Variants in TLN2 observed in about 807,000 individuals in gnomAD.
TLN2 encodes talin-2.
A neutral mutation model predicts 294.7 loss-of-function variants in TLN2; 118 were observed. The observed-to-expected ratio is 0.40, with a 90% CI of 0.34 to 0.47. TLN2 has a LOEUF of 0.47. Among genes scored for constraint, TLN2 ranks in the 20% least tolerant of loss-of-function variants. The pLI is 0.84. For missense variants in TLN2, 3,083 were observed against 3,282.2 expected, an observed-to-expected ratio of 0.94 and a Z score of 1.48; for synonymous variants, 1,431 against 1,304.5, an observed-to-expected ratio of 1.10 and a Z score of -2.09.
intron 1 of TLN2, among the ~76,000 whole-genome samples, chr15:62,446,577 T>A (rs755196060): frequency 1.3e-5 from 2 of 152,212 alleles, no homozygotes; most frequent in African/African-American, 2.4e-5. Context: ...TTGACTTTTT[T>A]GTGACTTTGG....
At chr15:62,670,713 G>C (rs2055297087) in intron 9 of TLN2, among the ~76,000 whole-genome samples, 1 of 152,072 alleles carries the variant, frequency 6.6e-6, no homozygotes, top group African/African-American at 2.4e-5. Flanking sequence ...TTAGTTGATG[G>C]ACTTTTGAGT....
intron 54 of TLN2, among the ~76,000 whole-genome samples, chr15:62,822,764 G>C (rs1028235252): frequency 2.0e-5 from 3 of 152,146 alleles, no homozygotes; most frequent in African/African-American, 7.2e-5. Context: ...GGACTGTGTA[G>C]CACGAAGAAA....
chr15:62,658,164 G>T, intron 9 of TLN2: 1 of 160,042 alleles, frequency 6.2e-6, no homozygotes, highest in Non-Finnish European at 1.2e-5. Flanking sequence ...TCTTAGTGAA[G>T]AGGAAAGTAA....
chr15:62,618,843 C>T (rs1471260415), intron 3 of TLN2, among the ~76,000 whole-genome samples: 9 of 152,180 alleles, frequency 5.9e-5, no homozygotes. Flanking sequence ...TTTAAGTGTA[C>T]AGAACAAAGG....
chr15:62,840,737 C>T lies in TLN2; in HGVS notation c.*127C>T, dbSNP rs987789720. ...CCTCCCGGGTGAGCCTGGAGCCCTG[C>T]GTGCTTGTTCTCACATCTCTGTCCC... On this transcript the variant is annotated 3_prime_UTR_variant, in exon 59 of 59. Coordinates refer to ENST00000636159, the MANE Select transcript of TLN2 (RefSeq NM_015059.3). The T allele has an allele frequency of 6.0e-6, 8 of 1,325,328 alleles. No individual in the cohort carries two copies. The highest frequency in any genetic ancestry group is 3.0e-5 in the African/African-American group (2 of 67,352). The allele number at this position is 1,325,328 out of a possible 1,614,324, so 82.1% of individuals were successfully genotyped here. A position where few individuals can be genotyped will look rare whatever the true frequency, so the allele number is the denominator to read the frequency against.
intron 1 of TLN2, among the ~76,000 whole-genome samples, chr15:62,518,572 G>A (rs540048566): frequency 6.8e-6 from 1 of 146,458 alleles, no homozygotes; most frequent in Non-Finnish European, 1.5e-5. Flanking sequence ...ATGGTGAACG[G>A]TGGAGAGCCG....
In TLN2 at chr15:62,504,818, GGTGTGT is replaced by G. The variant is rs377405417; in HGVS notation, c.-237-84845_-237-84840del. 1.3e-3 allele frequency among the ~76,000 whole-genome samples: 190 copies of G among 143,620 alleles called. 1 individual carries two copies. Among genetic ancestry groups the G allele is most frequent in the African/African-American group, 4.5e-3 (172 of 38,142 alleles). 94.2% of individuals were successfully genotyped at this position (143,620 alleles called of 152,430 possible). ...AAGGGTAACAGAAAGTAGTTGGTGG[GGTGTGT>G]GTGTGTGTGTGTGTGTGTGTGTGAG... On this transcript the variant is annotated intron_variant, in intron 1 of 58. Transcript: ENST00000636159.
chr15:62,681,822 ACT>A (rs2141028704), intron 11 of TLN2, among the ~76,000 whole-genome samples: 1 of 152,292 alleles, frequency 6.6e-6, no homozygotes, highest in African/African-American at 2.4e-5. Context: ...ACACGATCTC[ACT>A]CTGTCACCCA....
chr15:62,725,888 T>G (rs1567467004), intron 27 of TLN2, among the ~76,000 whole-genome samples: 1 of 152,152 alleles, frequency 6.6e-6, no homozygotes. Context: ...AACTGAAGAC[T>G]TTTAGAATGT....
At chr15:62,755,222 A>G (rs762168941) in intron 36 of TLN2, 4 of 263,898 alleles carry the variant, frequency 1.5e-5, no homozygotes, top group East Asian at 8.3e-5. Context: ...TCTAGATGCT[A>G]TACCCTGGAC....
intron 55 of TLN2, chr15:62,834,551 A>G (rs186256070): frequency 2.6e-5 from 4 of 152,302 alleles, no homozygotes; most frequent in East Asian, 1.9e-4. Flanking sequence ...GAGCTTAGCC[A>G]TGGCTTAAGT....
intron 28 of TLN2, among the ~76,000 whole-genome samples, chr15:62,730,498 T>C (rs1313507495): frequency 6.6e-6 from 1 of 152,208 alleles, no homozygotes; most frequent in Admixed American, 6.5e-5. Context: ...TCATTTCTCT[T>C]CTACCTGAAG....
At position 62,618,379 on chromosome 15, in the gene TLN2, C is replaced by G. The variant is rs530557796; in HGVS notation, c.-133C>G. 3.3e-5 allele frequency: 5 copies of G among 152,358 alleles called. No individual in the cohort carries two copies. Among genetic ancestry groups the G allele is most frequent in the African/African-American group, 1.2e-4 (5 of 41,590 alleles). 9.4% of individuals were successfully genotyped at this position (152,358 alleles called of 1,614,324 possible). A position where few individuals can be genotyped will look rare whatever the true frequency, so the allele number is the denominator to read the frequency against. ...GTCTGCCTGGCGGAGGACACCTGCA[C>G]TTGTTACCCTGAGTTGATTCCTGAA... On this transcript the variant is annotated 5_prime_UTR_variant, in exon 3 of 59. Coordinates refer to ENST00000636159, the MANE Select transcript of TLN2 (RefSeq NM_015059.3).
At chr15:62,465,759 G>A (rs923727134) in intron 1 of TLN2, among the ~76,000 whole-genome samples, 2 of 152,234 alleles carry the variant, frequency 1.3e-5, no homozygotes, top group African/African-American at 2.4e-5. Flanking sequence ...TACATTGAAT[G>A]CAGTTGCAGC....
intron 1 of TLN2, among the ~76,000 whole-genome samples, chr15:62,434,042 CCTTT>C (rs1378085662): frequency 6.6e-6 from 1 of 150,938 alleles, no homozygotes; most frequent in African/African-American, 2.4e-5. Context: ...CATCTGTCCT[CCTTT>C]CTTTTTAATA....
At chr15:62,815,206 C>T (rs954951154) in intron 52 of TLN2, among the ~76,000 whole-genome samples, 2 of 151,318 alleles carry the variant, frequency 1.3e-5, no homozygotes, top group African/African-American at 4.9e-5. Flanking sequence ...CACACACACA[C>T]ACACACACAC....
chr15:62,479,463 A>G (rs138996428), intron 1 of TLN2, among the ~76,000 whole-genome samples: 1 of 152,094 alleles, frequency 6.6e-6, no homozygotes, highest in Non-Finnish European at 1.5e-5. Context: ...TGTCTGAAGC[A>G]GACTTCTTTG....
chr15:62,640,284 C>G, intron 3 of TLN2: 1 of 455,998 alleles, frequency 2.2e-6, no homozygotes, highest in South Asian at 1.5e-5. Flanking sequence ...GATGTAGACA[C>G]AGATGAATTA....
At chr15:62,739,691 C>T in intron 31 of TLN2, 146 bp downstream of exon 31, 2 of 901,012 alleles carry the variant, frequency 2.2e-6, no homozygotes, top group African/African-American at 1.7e-5. Context: ...TTAGGAAGCT[C>T]ATGCCCTCAT....
Sources: allele counts gnomAD v4.1 joint callset (sites outside exome capture counted in the v4.1 genomes callset), GRCh38; gene constraint gnomAD v4.1.1; transcripts MANE v1.5; gene names NCBI Gene and HGNC (gene_info 2026-07-23, HGNC 2026-07-21).